DCP1B: variants seen among roughly 807,000 people sequenced by gnomAD.
DCP1B encodes mRNA-decapping enzyme 1B.
DCP1B carries 47 observed loss-of-function variants against 60.5 expected under a neutral mutation model. The ratio of observed to expected loss-of-function variants is 0.78; its 90% confidence interval spans 0.61 to 0.99. The LOEUF is 0.99. Among genes scored for constraint, DCP1B ranks in the 50% least tolerant of loss-of-function variants. The pLI is 0.00. For missense variants in DCP1B, 725 were observed against 756.8 expected, an observed-to-expected ratio of 0.96 and a Z score of 0.49; for synonymous variants, 267 against 280.3, an observed-to-expected ratio of 0.95 and a Z score of 0.47.
chr12:1,951,098 C>T (rs1309495980), intron 7 of DCP1B, among the ~76,000 whole-genome samples: 2 of 152,052 alleles, frequency 1.3e-5, no homozygotes, highest in African/African-American at 4.8e-5. Flanking sequence ...ATCGTGACAC[C>T]TCGTCTCTAC....
intron 2 of DCP1B, among the ~76,000 whole-genome samples, chr12:1,993,627 G>GGGGGGT (rs1555213620): frequency 1.4e-5 from 2 of 146,584 alleles, no homozygotes; most frequent in African/African-American, 5.0e-5. Flanking sequence ...CTTCATTTGT[G>GGGGGGT]GTGTGTGTGT....
intron 3 of DCP1B, among the ~76,000 whole-genome samples, chr12:1,975,702 C>T (rs887985395): frequency 2.6e-5 from 4 of 152,134 alleles, no homozygotes; most frequent in Non-Finnish European, 4.4e-5. Flanking sequence ...AAGCTGAGAA[C>T]CTTAATAGTC....
intron 3 of DCP1B, among the ~76,000 whole-genome samples, chr12:1,969,837 C>T (rs1673167193): frequency 6.6e-6 from 1 of 152,078 alleles, no homozygotes; most frequent in African/African-American, 2.4e-5. Context: ...TGACTTTAAC[C>T]TTAGTTACAA....
In DCP1B at chr12:1,953,084, TG is replaced by T. The variant is rs762149254; in HGVS notation, c.855del (p.Ile286LeufsTer97). The stretch of plus-strand genomic sequence containing the variant: ...ATGGCTGGACAGAGCTGCTTCTCAA[TG>T]GGGGGTGAGTGTCTTCTGGGTTCCT... ...SYEEPRRHSP[P>X]IEKQLCPAIQ... On this transcript the variant is annotated frameshift_variant, in exon 7 of 9. Coordinates refer to ENST00000280665, the MANE Select transcript of DCP1B (RefSeq NM_152640.5). LOFTEE classifies it high-confidence loss of function. The T allele has an allele frequency of 1.9e-6, 3 of 1,613,890 alleles. No homozygotes were observed. Among genetic ancestry groups the T allele is most frequent in the East Asian group, 2.2e-5 (1 of 44,892 alleles).
chr12:1,966,303 G>A (rs962002892), intron 4 of DCP1B, among the ~76,000 whole-genome samples: 12 of 152,184 alleles, frequency 7.9e-5, no homozygotes, highest in African/African-American at 1.9e-4. Context: ...ATTCTAACTC[G>A]GAGAAGAGGG....
chr12:1,994,859 G>A (rs1174496409), intron 2 of DCP1B, among the ~76,000 whole-genome samples: 1 of 152,148 alleles, frequency 6.6e-6, no homozygotes, highest in East Asian at 1.9e-4. Flanking sequence ...ACTTCTGTAA[G>A]AGAAGTCAAA....
At chr12:1,999,137 A>G (rs1593375382) in intron 1 of DCP1B, among the ~76,000 whole-genome samples, 2 of 152,200 alleles carry the variant, frequency 1.3e-5, no homozygotes, top group South Asian at 2.1e-4. Flanking sequence ...TCCTGCCCAA[A>G]CCTACTGAAT....
At chr12:1,967,724 C>T in intron 4 of DCP1B, 120 bp downstream of exon 4, 1 of 784,812 alleles carries the variant, frequency 1.3e-6, no homozygotes. Context: ...GTCTGCCTAA[C>T]CAGTGAAAAG....
chr12:1,974,224 A>G (rs917933825), intron 3 of DCP1B, among the ~76,000 whole-genome samples: 4 of 152,186 alleles, frequency 2.6e-5, no homozygotes, highest in African/African-American at 9.6e-5. Flanking sequence ...ACTTCCTGGA[A>G]TAATTCAACA....
intron 2 of DCP1B, among the ~76,000 whole-genome samples, chr12:1,994,497 G>A (rs1291578096): frequency 6.6e-6 from 1 of 152,178 alleles, no homozygotes; most frequent in Admixed American, 6.5e-5. Flanking sequence ...TAAAGTGGTG[G>A]TAAGCATACA....
chr12:1,968,274 C>T (rs2031454909), intron 3 of DCP1B, among the ~76,000 whole-genome samples: 1 of 151,604 alleles, frequency 6.6e-6, no homozygotes, highest in Admixed American at 6.6e-5. Flanking sequence ...ATCGCTTGAA[C>T]CTGGGAGGTG....
chr12:1,990,392 C>A (rs922523368), intron 3 of DCP1B, among the ~76,000 whole-genome samples: 9 of 152,308 alleles, frequency 5.9e-5, no homozygotes, highest in Middle Eastern at 3.4e-3. Context: ...AATGTATAAA[C>A]CCTTTTCTGT....
chr12:1,986,001 G>A (rs1028701945), intron 3 of DCP1B, among the ~76,000 whole-genome samples: 17 of 152,094 alleles, frequency 1.1e-4, no homozygotes, highest in Non-Finnish European at 2.1e-4. Context: ...TTTTAGTAGA[G>A]ATGGAGTTTC....
chr12:2,001,473 A>G (rs2042180789), intron 1 of DCP1B, among the ~76,000 whole-genome samples: 1 of 152,242 alleles, frequency 6.6e-6, no homozygotes, highest in African/African-American at 2.4e-5. Context: ...AATGGAATAT[A>G]AAATAGTGCT....
At position 1,962,258 on chromosome 12, in the gene DCP1B, A is replaced by G. The variant is rs2031153035; in HGVS notation, c.522+3300T>C. ...ACAGGCCAGAGACGAGGAGATACGTATGGCTCAGGATTGGTTAGTGTGCAT... is the reference window on the plus strand; with the variant it reads ...ACAGGCCAGAGACGAGGAGATACGTGTGGCTCAGGATTGGTTAGTGTGCAT... On this transcript the variant is annotated intron_variant, in intron 5 of 8. Transcript: ENST00000280665. The surrounding 1 kb of genome is among the most constrained non-coding windows in gnomAD (Gnocchi z 4.4). Among the ~76,000 whole-genome samples, 1 of 152,168 alleles carries G rather than the reference A, an allele frequency of 6.6e-6. No homozygotes were observed. The highest frequency in any genetic ancestry group is 2.4e-5 in the African/African-American group (1 of 41,460).
At chr12:1,951,740 T>C (rs1427312662) in intron 7 of DCP1B, among the ~76,000 whole-genome samples, 1 of 152,214 alleles carries the variant, frequency 6.6e-6, no homozygotes, top group Non-Finnish European at 1.5e-5. Context: ...TTCTTCATCA[T>C]TATGTACCCA....
In DCP1B at chr12:1,952,177, C is replaced by CT. The variant is rs577591974; in HGVS notation, c.1524+238dup. Among the ~76,000 whole-genome samples, 182 of 151,606 alleles carry CT rather than the reference C, an allele frequency of 1.2e-3. 1 individual carries two copies. Among genetic ancestry groups the CT allele is most frequent in the Non-Finnish European group, 2.0e-3 (137 of 67,840 alleles). On this transcript the variant is annotated intron_variant, in intron 7 of 8. Transcript: ENST00000280665. ...TAGTAATACCTTTTTCTTTGTCTGT[C>CT]TTTTTTTTTCTTAACAGACAGGGTC...
intron 5 of DCP1B, among the ~76,000 whole-genome samples, chr12:1,956,811 C>T (rs141379561): frequency 1.3e-5 from 2 of 152,274 alleles, no homozygotes; most frequent in South Asian, 2.1e-4. Context: ...TTTAAAAGAA[C>T]GTGAATGCTT....
At chr12:1,964,825 G>A (rs1436434440) in intron 5 of DCP1B, among the ~76,000 whole-genome samples, 1 of 152,128 alleles carries the variant, frequency 6.6e-6, no homozygotes, top group Non-Finnish European at 1.5e-5. Context: ...CATACTGTTT[G>A]AAATGTTGAC....
Sources: allele counts gnomAD v4.1 joint callset (sites outside exome capture counted in the v4.1 genomes callset), GRCh38; gene constraint gnomAD v4.1.1; non-coding constraint Gnocchi (gnomAD v3.1); transcripts MANE v1.5; gene names NCBI Gene and HGNC (gene_info 2026-07-23, HGNC 2026-07-21).